Variants in SLC9A9 observed in about 807,000 individuals in gnomAD.
SLC9A9 encodes the protein sodium/hydrogen exchanger 9.
In SLC9A9, 62 loss-of-function variants were observed where a neutral mutation model predicts 77.8. The observed-to-expected ratio is 0.80, with a 90% CI of 0.65 to 0.98. SLC9A9 has a LOEUF of 0.98. Among genes scored for constraint, SLC9A9 ranks in the 50% least tolerant of loss-of-function variants. SLC9A9 has a pLI of 0.00. For synonymous variants in SLC9A9, 320 were observed against 283.5 expected (o/e 1.13, Z -1.29); for missense variants, 775 against 774.9 (o/e 1.00, Z 0.00).
intron 2 of SLC9A9, among the ~76,000 whole-genome samples, chr3:143,801,262 T>C (rs192593643): frequency 9.1e-4 from 138 of 152,288 alleles, no homozygotes; most frequent in African/African-American, 3.2e-3. Flanking sequence ...AGACCTTTTG[T>C]CCAAACAACT....
chr3:143,473,408 A>G (rs2108574210), intron 11 of SLC9A9, among the ~76,000 whole-genome samples: 1 of 152,308 alleles, frequency 6.6e-6, no homozygotes, highest in Admixed American at 6.5e-5. Flanking sequence ...TTCTCCATTG[A>G]GAACTTCCAT....
At chr3:143,301,430 A>T (rs2030509937) in intron 14 of SLC9A9, among the ~76,000 whole-genome samples, 1 of 152,204 alleles carries the variant, frequency 6.6e-6, no homozygotes, top group Non-Finnish European at 1.5e-5. Context: ...TGTGGCATGA[A>T]GATTGGCCTT....
At chr3:143,650,339 G>A (rs2038776776) in intron 6 of SLC9A9, among the ~76,000 whole-genome samples, 1 of 152,210 alleles carries the variant, frequency 6.6e-6, no homozygotes. Flanking sequence ...ATTGCAAGGA[G>A]AGGAAATACG....
intron 14 of SLC9A9, among the ~76,000 whole-genome samples, chr3:143,350,457 T>C (rs542085137): frequency 5.1e-4 from 77 of 152,310 alleles, no homozygotes; most frequent in African/African-American, 1.8e-3. Context: ...CTTTTCAGAT[T>C]TCCGTGAACA....
intron 4 of SLC9A9, among the ~76,000 whole-genome samples, chr3:143,721,713 G>A (rs547595932): frequency 2.6e-5 from 4 of 152,294 alleles, no homozygotes; most frequent in South Asian, 2.1e-4. Context: ...TCGGGCAGAA[G>A]TGACGGGTAG....
intron 5 of SLC9A9, among the ~76,000 whole-genome samples, chr3:143,667,947 C>T (rs1015122017): frequency 3.9e-5 from 6 of 152,060 alleles, no homozygotes; most frequent in Non-Finnish European, 8.8e-5. Context: ...GATCTAGAAC[C>T]AGAAATACCA....
chr3:143,560,368 C>G (rs1034980534), intron 8 of SLC9A9, among the ~76,000 whole-genome samples: 1 of 152,176 alleles, frequency 6.6e-6, no homozygotes, highest in Non-Finnish European at 1.5e-5. Flanking sequence ...TTATTCTTGA[C>G]CTCTTAGCAT....
rs964997931 is a variant in SLC9A9 at position 143,562,418 on chromosome 3, C to T, written c.1001-9968G>A. Among the ~76,000 whole-genome samples, 4 of 152,066 alleles carry T rather than the reference C, an allele frequency of 2.6e-5. 1 individual carries two copies. The South Asian group carries it at 8.3e-4, about 32-fold the overall frequency. On this transcript the variant is annotated intron_variant, in intron 8 of 15. Coordinates refer to ENST00000316549, the MANE Select transcript of SLC9A9 (RefSeq NM_173653.4). ...GCAAAGGGAGAGAGGCAGGTGATTG[C>T]GGGGCATATCTGAGAAACATGCACT...
chr3:143,693,287 A>C lies in SLC9A9; in HGVS notation c.554T>G (p.Val185Gly), dbSNP rs199812035. 4 of 1,613,054 alleles carry C rather than the reference A, an allele frequency of 2.5e-6. No individual in the cohort carries two copies. The highest frequency in any genetic ancestry group is 3.4e-6 in the Non-Finnish European group (4 of 1,179,370). The change falls in exon 5 of 16, where the codon GTG becomes GGG. Residue 185 changes from valine (V) to glycine (G), a missense_variant. Coordinates refer to ENST00000316549, the MANE Select transcript of SLC9A9 (RefSeq NM_173653.4). Reference sequence around the variant, plus strand: ...CTGGCCAGCATGTATCATAGCCTTCACAAAACCATACATAATTAACCTGTT... The same window carrying C: ...CTGGCCAGCATGTATCATAGCCTTCCCAAAACCATACATAATTAACCTGTT... ...IVIGLIMYGF[V>G]KAMIHAGQLK...
At chr3:143,401,208 G>A (rs1354440853) in intron 12 of SLC9A9, among the ~76,000 whole-genome samples, 1 of 152,098 alleles carries the variant, frequency 6.6e-6, no homozygotes, top group Non-Finnish European at 1.5e-5. Context: ...CTTCCTGCCA[G>A]GTCACCAGGC....
At chr3:143,633,739 A>G (rs1436853304) in intron 6 of SLC9A9, among the ~76,000 whole-genome samples, 1 of 152,206 alleles carries the variant, frequency 6.6e-6, no homozygotes, top group Admixed American at 6.5e-5. Context: ...GATCTATAAA[A>G]TACTATCTAT....
chr3:143,803,839 C>G (rs1422290089), intron 2 of SLC9A9, among the ~76,000 whole-genome samples: 4 of 152,180 alleles, frequency 2.6e-5, no homozygotes, highest in Admixed American at 2.0e-4. Flanking sequence ...TCTCCTGTCT[C>G]CCTAAACCTG....
intron 5 of SLC9A9, among the ~76,000 whole-genome samples, chr3:143,683,615 A>G (rs1933170573): frequency 6.6e-6 from 1 of 152,146 alleles, no homozygotes; most frequent in South Asian, 2.1e-4. Flanking sequence ...TTCAGGTTGG[A>G]TAGTGCCGTC....
At chr3:143,430,666 T>A (rs1033966285) in intron 12 of SLC9A9, among the ~76,000 whole-genome samples, 2 of 152,190 alleles carry the variant, frequency 1.3e-5, no homozygotes, top group African/African-American at 4.8e-5. Flanking sequence ...GGGGGAAGCA[T>A]CATCTTCACT....
chr3:143,421,049 A>G (rs770247011), intron 12 of SLC9A9, among the ~76,000 whole-genome samples: 1 of 152,222 alleles, frequency 6.6e-6, no homozygotes, highest in African/African-American at 2.4e-5. Context: ...CTAGACATAG[A>G]TTAAAATACC....
chr3:143,565,618 G>C lies in SLC9A9; in HGVS notation c.1000+8470C>G, dbSNP rs187642720. The stretch of plus-strand genomic sequence containing the variant: ...ATTGAGATGGCATCATTGCATGTTT[G>C]TCTTTGGTTCAGTGTGCTGGTTAAC... On this transcript the variant is annotated intron_variant, in intron 8 of 15. Coordinates refer to ENST00000316549, the MANE Select transcript of SLC9A9 (RefSeq NM_173653.4). Among the ~76,000 whole-genome samples, 272 of 152,190 alleles carry C rather than the reference G, an allele frequency of 1.8e-3. 3 individuals carry two copies. Among genetic ancestry groups the C allele is most frequent in the African/African-American group, 6.0e-3 (251 of 41,520 alleles).
At chr3:143,619,603 C>A (rs2038164552) in intron 6 of SLC9A9, among the ~76,000 whole-genome samples, 1 of 152,094 alleles carries the variant, frequency 6.6e-6, no homozygotes, top group Non-Finnish European at 1.5e-5. Flanking sequence ...CTGTGTCAAT[C>A]CCGAGGAAAG....
intron 5 of SLC9A9, among the ~76,000 whole-genome samples, chr3:143,691,079 C>T (rs146124157): frequency 3.3e-5 from 5 of 152,194 alleles, no homozygotes; most frequent in African/African-American, 1.2e-4. Flanking sequence ...GCATCTGATA[C>T]TTGGTCTGTG....
At chr3:143,491,065 A>G (rs930657482) in intron 11 of SLC9A9, among the ~76,000 whole-genome samples, 1 of 152,188 alleles carries the variant, frequency 6.6e-6, no homozygotes, top group Non-Finnish European at 1.5e-5. Flanking sequence ...TCGGCCCAAG[A>G]TGATTGTGCC....
Sources: allele counts gnomAD v4.1 joint callset (sites outside exome capture counted in the v4.1 genomes callset), GRCh38; gene constraint gnomAD v4.1.1; transcripts MANE v1.5; gene names NCBI Gene and HGNC (gene_info 2026-07-23, HGNC 2026-07-21).